CFAP54: variants seen among roughly 807,000 people sequenced by gnomAD.
The protein encoded by CFAP54 is cilia and flagella associated protein 54, also known as cilia- and flagella-associated protein 54.
CFAP54 carries 290 observed loss-of-function variants against 370.4 expected under a neutral mutation model. The observed-to-expected ratio is 0.78, with a 90% CI of 0.71 to 0.86. CFAP54 has a LOEUF of 0.86. CFAP54 is among the 40% of genes least tolerant of loss of function. The pLI is 0.00. For missense variants in CFAP54, 3,399 were observed against 3,528.7 expected (o/e 0.96, Z 0.93); for synonymous variants, 1,206 against 1,236.5 (o/e 0.98, Z 0.52).
At chr12:96,806,159 AATATATATATATATATATATATATAT>A (rs548500750) in intron 63 of CFAP54, among the ~76,000 whole-genome samples, 785 of 27,910 alleles carry the variant, frequency 0.028, 54 homozygotes, top group African/African-American at 0.077. Context: ...TCACTAGCCA[AATATATATATATATATATATATATAT>A]ATATATATAT....
At chr12:96,866,136 T>C (rs1162749939) in intron 67 of CFAP54, among the ~76,000 whole-genome samples, 1 of 152,100 alleles carries the variant, frequency 6.6e-6, no homozygotes, top group African/African-American at 2.4e-5. Flanking sequence ...TTAAAAAATA[T>C]ATTAAGAAAG....
intron 8 of CFAP54, among the ~76,000 whole-genome samples, chr12:96,525,451 T>G (rs1955368800): frequency 6.6e-6 from 1 of 152,064 alleles, no homozygotes; most frequent in African/African-American, 2.4e-5. Flanking sequence ...TAATATTTCA[T>G]TTACAGCTCT....
At chr12:96,567,221 G>C (rs1468836015) in intron 19 of CFAP54, among the ~76,000 whole-genome samples, 1 of 152,208 alleles carries the variant, frequency 6.6e-6, no homozygotes, top group Non-Finnish European at 1.5e-5. Flanking sequence ...TAGTTCTACA[G>C]GTCATTCTGT....
intron 25 of CFAP54, among the ~76,000 whole-genome samples, chr12:96,597,056 C>T (rs563652489): frequency 2.0e-5 from 3 of 152,086 alleles, no homozygotes; most frequent in Admixed American, 1.3e-4. Flanking sequence ...TGAATTGTTA[C>T]AAGCATTTGA....
chr12:96,539,159 C>T (rs191679980), intron 13 of CFAP54, among the ~76,000 whole-genome samples: 1 of 146,936 alleles, frequency 6.8e-6, no homozygotes, highest in Non-Finnish European at 1.5e-5. Context: ...CTGCCGGGTT[C>T]AAGCGATTCT....
intron 1 of CFAP54, among the ~76,000 whole-genome samples, chr12:96,499,675 G>T (rs1043788753): frequency 1.3e-5 from 2 of 152,164 alleles, no homozygotes; most frequent in Non-Finnish European, 2.9e-5. Flanking sequence ...GCTGGGAGCG[G>T]TGGCTCATGC....
intron 8 of CFAP54, 56 bp from the exon 9 acceptor site, chr12:96,527,190 C>T (rs1386288440): frequency 7.1e-7 from 1 of 1,411,814 alleles, no homozygotes; most frequent in East Asian, 2.5e-5. Flanking sequence ...AGCCACTGCG[C>T]CCACAATATA....
intron 1 of CFAP54, among the ~76,000 whole-genome samples, chr12:96,495,938 G>C (rs1167226810): frequency 6.6e-6 from 1 of 152,034 alleles, no homozygotes; most frequent in Non-Finnish European, 1.5e-5. Context: ...CATAATTTAA[G>C]ACTTCTAGTA....
chr12:96,831,715 G>A (rs1045988304), intron 66 of CFAP54, among the ~76,000 whole-genome samples: 1 of 152,154 alleles, frequency 6.6e-6, no homozygotes, highest in Non-Finnish European at 1.5e-5. Flanking sequence ...GGTCAGAGGT[G>A]ATGCTATCTT....
rs1001095753 is a variant in CFAP54, at chr12:96,805,570, G to A, written c.8851-6166G>A. Among the ~76,000 whole-genome samples, 705 of 106,256 alleles carry A rather than the reference G, an allele frequency of 6.6e-3. 1 individual carries two copies. Among genetic ancestry groups the A allele is most frequent in the Non-Finnish European group, 0.012 (577 of 49,244 alleles). 69.7% of individuals were successfully genotyped at this position (106,256 alleles called of 152,430 possible). A position where few individuals can be genotyped will look rare whatever the true frequency, so the allele number is the denominator to read the frequency against. ...CAGTCAGAATGACTATTATTAAAAA[G>A]TCAAAAAAAAAAAAACCAGATATTG... On this transcript the variant is annotated intron_variant, in intron 63 of 67. Transcript: ENST00000524981.
intron 1 of CFAP54, among the ~76,000 whole-genome samples, chr12:96,495,477 G>A (rs967576385): frequency 1.1e-4 from 15 of 137,796 alleles, no homozygotes; most frequent in Non-Finnish European, 2.2e-4. Flanking sequence ...ACCACGCCCG[G>A]CTAATTTTTG....
At chr12:96,772,492 G>A (rs566129287) in intron 60 of CFAP54, among the ~76,000 whole-genome samples, 3 of 151,978 alleles carry the variant, frequency 2.0e-5, no homozygotes, top group South Asian at 2.1e-4. Context: ...CTCTGACTTC[G>A]TTTCTGCATA....
intron 66 of CFAP54, among the ~76,000 whole-genome samples, chr12:96,855,879 C>T (rs896019884): frequency 1.1e-4 from 17 of 152,200 alleles, no homozygotes; most frequent in African/African-American, 3.9e-4. Context: ...GAGCTCTGAC[C>T]CTACATTTCT....
chr12:96,741,614 A>T (rs1325735533), intron 51 of CFAP54, among the ~76,000 whole-genome samples: 1 of 152,184 alleles, frequency 6.6e-6, no homozygotes, highest in East Asian at 1.9e-4. Flanking sequence ...AGAGATGCAT[A>T]GCAGGAAATA....
intron 40 of CFAP54, among the ~76,000 whole-genome samples, chr12:96,683,760 T>C (rs549108318): frequency 3.7e-4 from 56 of 151,904 alleles, no homozygotes; most frequent in African/African-American, 1.3e-3. Flanking sequence ...CCAGAATGCA[T>C]GCATTCATTA....
At chr12:96,511,052 A>G (rs1005775290) in intron 4 of CFAP54, among the ~76,000 whole-genome samples, 2 of 151,748 alleles carry the variant, frequency 1.3e-5, no homozygotes, top group African/African-American at 4.8e-5. Context: ...TTGAGCTGTT[A>G]TTAGTCGAGT....
chr12:96,621,875 G>GTTTTTGTTTTTTTTTT (rs1956496574), intron 27 of CFAP54, among the ~76,000 whole-genome samples, 154 bp downstream of exon 27: 1 of 50,022 alleles, frequency 2.0e-5, no homozygotes, highest in Non-Finnish European at 3.3e-5. Context: ...TTTTGGGTTT[G>GTTTTTGTTTTTTTTTT]TTTTTTTTTT....
chr12:96,737,933 G>A (rs1209367977), intron 50 of CFAP54, among the ~76,000 whole-genome samples: 1 of 152,194 alleles, frequency 6.6e-6, no homozygotes, highest in Non-Finnish European at 1.5e-5. Context: ...CAAAGGAGGA[G>A]CGAGCATGGA....
intron 67 of CFAP54, among the ~76,000 whole-genome samples, chr12:96,873,379 C>A (rs1180353920): frequency 1.3e-5 from 2 of 152,174 alleles, no homozygotes; most frequent in African/African-American, 4.8e-5. Context: ...GGGTCATACA[C>A]TAAAGGAAAT....
Sources: gnomAD v4.1 joint callset for allele counts (sites outside exome capture counted in the v4.1 genomes callset) on GRCh38, gnomAD v4.1.1 for gene constraint, MANE v1.5 for transcripts, NCBI Gene and HGNC (gene_info 2026-07-23, HGNC 2026-07-21) for gene names.